Variants in ARFGEF3 observed in about 807,000 individuals in gnomAD.
ARFGEF3 encodes ARFGEF family member 3.
ARFGEF3 carries 96 observed loss-of-function variants against 221.7 expected under a neutral mutation model. That is an observed-to-expected ratio of 0.43 (90% CI 0.37 to 0.51). ARFGEF3 has a LOEUF of 0.51. Ranked by LOEUF, ARFGEF3 falls within the 20% of genes least tolerant of loss-of-function variation. The pLI is 0.00. For missense variants in ARFGEF3, 2,410 were observed against 2,789.9 expected (o/e 0.86, Z 3.07); for synonymous variants, 1,145 against 1,126.8 (o/e 1.02, Z -0.32).
intron 8 of ARFGEF3, among the ~76,000 whole-genome samples, chr6:138,249,025 AC>A (rs1249996088): frequency 6.6e-6 from 1 of 152,096 alleles, no homozygotes; most frequent in Admixed American, 6.6e-5. Context: ...CCACCCAGGA[AC>A]CCCCATCAGC....
chr6:138,166,934 T>C (rs767973802), intron 1 of ARFGEF3, among the ~76,000 whole-genome samples: 9 of 152,332 alleles, frequency 5.9e-5, no homozygotes, highest in South Asian at 2.1e-4. Context: ...TCTTAAAAAG[T>C]GTAGAAATTG....
chr6:138,207,431 AGAC>A (rs1777644623), intron 3 of ARFGEF3, among the ~76,000 whole-genome samples: 3 of 147,526 alleles, frequency 2.0e-5, no homozygotes, highest in South Asian at 2.1e-4. Flanking sequence ...CCCAAAAAAG[AGAC>A]GACAAGTTCA....
intron 19 of ARFGEF3, 122 bp downstream of exon 19, chr6:138,292,175 C>A: frequency 1.2e-6 from 1 of 824,664 alleles, no homozygotes; most frequent in Non-Finnish European, 1.7e-6. Context: ...TCTCTTCCAT[C>A]TTTTTCAAGC....
At chr6:138,323,400 A>AGGT (rs1562216221) in intron 29 of ARFGEF3, among the ~76,000 whole-genome samples, 1 of 152,028 alleles carries the variant, frequency 6.6e-6, no homozygotes, top group Admixed American at 6.6e-5. Context: ...TCACCTGAGG[A>AGGT]TGGGAGTTCG....
intron 31 of ARFGEF3, among the ~76,000 whole-genome samples, chr6:138,325,874 T>C (rs899655422): frequency 1.3e-5 from 2 of 152,210 alleles, no homozygotes; most frequent in African/African-American, 4.8e-5. Flanking sequence ...TGTTTTTTCT[T>C]TTTTGAGACT....
intron 26 of ARFGEF3, among the ~76,000 whole-genome samples, chr6:138,315,783 G>A (rs1334640031): frequency 1.3e-5 from 2 of 151,850 alleles, no homozygotes; most frequent in Non-Finnish European, 2.9e-5. Flanking sequence ...CCGGGAGGTG[G>A]AGGTTGCAGT....
intron 2 of ARFGEF3, among the ~76,000 whole-genome samples, chr6:138,201,778 G>A (rs1777542328): frequency 6.6e-6 from 1 of 152,160 alleles, no homozygotes; most frequent in Admixed American, 6.5e-5. Flanking sequence ...TAAAGAACTT[G>A]CTCTTGTAAC....
intron 22 of ARFGEF3, among the ~76,000 whole-genome samples, chr6:138,305,428 C>A (rs1189145887): frequency 6.6e-6 from 1 of 151,632 alleles, no homozygotes; most frequent in African/African-American, 2.4e-5. Context: ...CAGTGAGACC[C>A]CCATCTCTAC....
At chr6:138,314,175 A>T (rs914126084) in intron 26 of ARFGEF3, among the ~76,000 whole-genome samples, 3 of 152,176 alleles carry the variant, frequency 2.0e-5, no homozygotes, top group African/African-American at 7.2e-5. Context: ...TATCATCCCA[A>T]GAGGAAGGGC....
At position 138,286,775 on chromosome 6, in the gene ARFGEF3, G is replaced by A. The variant is rs921023032; in HGVS notation, c.2644G>A (p.Gly882Ser). Reference sequence around the variant, plus strand: ...CGATACTTTATCAACCCCACTGACTGGTCGAATGGCGGGGAGCTCCAAAGG... The same window carrying A: ...CGATACTTTATCAACCCCACTGACTAGTCGAATGGCGGGGAGCTCCAAAGG... ...LIDTLSTPLT[G>S]RMAGSSKGLA... is the part of the protein sequence containing the mutation. The change falls in exon 16 of 34, where the codon GGT becomes AGT. Residue 882 changes from glycine (G) to serine (S), a missense_variant. Coordinates refer to ENST00000251691, the MANE Select transcript of ARFGEF3 (RefSeq NM_020340.5). 5 of 1,614,062 alleles carry A rather than the reference G, an allele frequency of 3.1e-6. No individual in the cohort carries two copies. Among genetic ancestry groups the A allele is most frequent in the Non-Finnish European group, 4.2e-6 (5 of 1,179,902 alleles).
chr6:138,251,725 T>C (rs1778586902), intron 8 of ARFGEF3, among the ~76,000 whole-genome samples: 2 of 151,950 alleles, frequency 1.3e-5, no homozygotes. Context: ...TTCCTCTGCT[T>C]CACCATGCCA....
intron 13 of ARFGEF3, 65 bp from the exon 14 acceptor site, chr6:138,279,934 G>A (rs1779166369): frequency 5.3e-6 from 8 of 1,518,360 alleles, no homozygotes; most frequent in Non-Finnish European, 7.3e-6. Flanking sequence ...GGCAGCAGAG[G>A]CACTTAGGAG....
In ARFGEF3 at chr6:138,339,811, C is replaced by T. The variant is rs1399315311; in HGVS notation, c.*3325C>T. ...CTTTTTACACCACCTTCTCTCTCTC[C>T]CCTTGTGGTAATTTTCCAGCCTTCC... On this transcript the variant is annotated 3_prime_UTR_variant, in exon 34 of 34. Transcript: ENST00000251691. 1 of 152,218 alleles carries T rather than the reference C, an allele frequency of 6.6e-6. No individual in the cohort carries two copies. Among genetic ancestry groups the T allele is most frequent in the African/African-American group, 2.4e-5 (1 of 41,430 alleles). The allele number at this position is 152,218 out of a possible 1,614,324, so 9.4% of individuals were successfully genotyped here.
chr6:138,298,553 AT>A, intron 21 of ARFGEF3, 52 bp from the exon 22 acceptor site: 1 of 1,494,672 alleles, frequency 6.7e-7, no homozygotes, highest in South Asian at 1.3e-5. Context: ...TTCAGAAACC[AT>A]TCTCACTGTC....
In ARFGEF3 at chr6:138,255,758, A is replaced by G. The variant is rs1778665622; in HGVS notation, c.1093A>G (p.Ile365Val). 4.5e-6 allele frequency: 7 copies of G among 1,564,654 alleles called. No homozygotes were observed. Among genetic ancestry groups the G allele is most frequent in the African/African-American group, 1.4e-5 (1 of 73,848 alleles). The change falls in exon 10 of 34, where the codon ATA (isoleucine) becomes GTA (valine). Residue 365 changes from isoleucine to valine, a missense_variant. Transcript: ENST00000251691. ...PPQHRVEAIKIMKEILGSPQR... is the reference protein window; with the variant it reads ...PPQHRVEAIKVMKEILGSPQR... ...CCAGCACCGGGTGGAAGCCATCAAA[A>G]TAATGAAAGAGGTGAGGAGGCACTG...
intron 4 of ARFGEF3, among the ~76,000 whole-genome samples, chr6:138,223,160 C>T (rs1043304140): frequency 1.3e-5 from 2 of 152,174 alleles, no homozygotes; most frequent in Non-Finnish European, 2.9e-5. Flanking sequence ...AGGCAGCACA[C>T]CCTTCACCCC....
rs934251620 is a variant in ARFGEF3, at chr6:138,181,860, G to C, written c.137+11147G>C. ...ATTTAGTCCCAAATTTCCTGCTTTC[G>C]TTTCAAACTGTGCCTCTGAGAAATT... On this transcript the variant is annotated intron_variant, in intron 2 of 33. Coordinates refer to ENST00000251691, the MANE Select transcript of ARFGEF3 (RefSeq NM_020340.5). Among the ~76,000 whole-genome samples, 65 of 152,102 alleles carry C rather than the reference G, an allele frequency of 4.3e-4. 2 individuals are homozygous for C. The highest frequency in any genetic ancestry group is 1.5e-5 in the Non-Finnish European group (1 of 68,002).
rs200452960 is a variant in ARFGEF3 at position 138,321,234 on chromosome 6, A to G, written c.4766+9A>G. 2 of 1,404,968 alleles carry G rather than the reference A, an allele frequency of 1.4e-6. No homozygotes were observed. The highest frequency in any genetic ancestry group is 2.2e-5 in the Admixed American group (1 of 45,750). The allele number at this position is 1,404,968 out of a possible 1,614,324, so 87.0% of individuals were successfully genotyped here. ...GGCTGCTCCTGTATTAGGTGAGGAA[A>G]TGCTTTCCTGACTCTCCACAAAGCT... is the stretch of plus-strand genomic sequence containing the variant. On this transcript the variant is annotated intron_variant, in intron 29 of 33. Coordinates refer to ENST00000251691, the MANE Select transcript of ARFGEF3 (RefSeq NM_020340.5).
intron 2 of ARFGEF3, among the ~76,000 whole-genome samples, chr6:138,177,368 C>G (rs1280097825): frequency 6.6e-6 from 1 of 152,136 alleles, no homozygotes; most frequent in Non-Finnish European, 1.5e-5. Flanking sequence ...ATTCACCTGC[C>G]TCAGCTTCCC....
Sources: gnomAD v4.1 joint callset for allele counts (sites outside exome capture counted in the v4.1 genomes callset) on GRCh38, gnomAD v4.1.1 for gene constraint, MANE v1.5 for transcripts, NCBI Gene and HGNC (gene_info 2026-07-23, HGNC 2026-07-21) for gene names.